The following ACTN2 variants were observed in gnomAD, a reference collection of about 807,000 sequenced individuals.
ACTN2 encodes the protein alpha-actinin-2.
Under a neutral mutation model 113.8 loss-of-function variants are expected in ACTN2, and 39 were observed. The ratio of observed to expected loss-of-function variants is 0.34; its 90% CI spans 0.27 to 0.45. ACTN2 has a LOEUF of 0.45. Among genes scored for constraint, ACTN2 ranks in the 20% least tolerant of loss-of-function variants. The pLI, the probability that ACTN2 is intolerant of heterozygous loss-of-function variation, is 1.00. For synonymous variants in ACTN2, 429 were observed against 444.1 expected (o/e 0.97, Z 0.43); for missense variants, 992 against 1,177.9 (o/e 0.84, Z 2.31).
intron 10 of ACTN2, among the ~76,000 whole-genome samples, chr1:236,742,666 C>A (rs150572226): frequency 6.6e-6 from 1 of 152,064 alleles, no homozygotes; most frequent in Admixed American, 6.5e-5. Flanking sequence ...GTGTCAGGAT[C>A]GCTGATAACA....
intron 7 of ACTN2, chr1:236,734,597 T>G: frequency 6.6e-6 from 7 of 1,056,162 alleles, no homozygotes; most frequent in Non-Finnish European, 9.5e-6. Context: ...TTCCTCTTTT[T>G]TCCCCCCTCT....
rs187091986 is a variant in ACTN2, at chr1:236,742,320, T to C, written c.1108-576T>C. Reference sequence around the variant, plus strand: ...AGAGGTGTTGTTTACCCTTACAGAGTTTCTCACTAGTGCCTGGTACATGCT... The same window carrying C: ...AGAGGTGTTGTTTACCCTTACAGAGCTTCTCACTAGTGCCTGGTACATGCT... On this transcript the variant is annotated intron_variant, in intron 10 of 20. Coordinates refer to ENST00000366578, the MANE Select transcript of ACTN2 (RefSeq NM_001103.4). Among the ~76,000 whole-genome samples, 6 of 152,180 alleles carry C rather than the reference T, an allele frequency of 3.9e-5. No homozygotes were observed. The East Asian group carries it at 1.2e-3, about 29-fold the overall frequency.
intron 12 of ACTN2, among the ~76,000 whole-genome samples, chr1:236,745,031 A>T (rs1166688327): frequency 6.6e-6 from 1 of 152,182 alleles, no homozygotes; most frequent in Non-Finnish European, 1.5e-5. Flanking sequence ...AAGATGAGAA[A>T]TAAGTCTGGA....
intron 15 of ACTN2, among the ~76,000 whole-genome samples, chr1:236,752,263 C>T (rs1302556653): frequency 6.6e-6 from 1 of 152,078 alleles, no homozygotes; most frequent in Non-Finnish European, 1.5e-5. Flanking sequence ...GTATGCCAAT[C>T]ATAGTCTTTG....
At chr1:236,695,561 G>GC (rs1188225202) in intron 1 of ACTN2, among the ~76,000 whole-genome samples, 2 of 42,674 alleles carry the variant, frequency 4.7e-5, no homozygotes, top group South Asian at 7.5e-4. Context: ...TTTGAAATGA[G>GC]TTCCCCCCCC....
In ACTN2 at chr1:236,686,567, C is replaced by T; in HGVS notation, c.-107C>T. On this transcript the variant is annotated 5_prime_UTR_variant, in exon 1 of 21. Transcript: ENST00000366578. Reference sequence around the variant, plus strand: ...CCCGAGAGGAGCCGCGCGAAGGTCACCCCGCGCCCGCCGCCCGCCGCCCGC... The same window carrying T: ...CCCGAGAGGAGCCGCGCGAAGGTCATCCCGCGCCCGCCGCCCGCCGCCCGC... The T allele has an allele frequency of 3.1e-6, 4 of 1,306,576 alleles. No individual in the cohort carries two copies. The highest frequency in any genetic ancestry group is 2.9e-6 in the Non-Finnish European group (3 of 1,020,610). 80.9% of individuals were successfully genotyped at this position (1,306,576 alleles called of 1,614,324 possible).
intron 18 of ACTN2, among the ~76,000 whole-genome samples, chr1:236,758,951 GA>G (rs1466989739): frequency 2.6e-5 from 4 of 152,164 alleles, no homozygotes; most frequent in Admixed American, 6.5e-5. Flanking sequence ...CACTAAAAGG[GA>G]TGTACCATTA....
At chr1:236,697,853 TC>T (rs1657561092) in intron 1 of ACTN2, among the ~76,000 whole-genome samples, 1 of 147,058 alleles carries the variant, frequency 6.8e-6, no homozygotes, top group African/African-American at 2.5e-5. Context: ...AACTTTCGCC[TC>T]CCAGGTTCAA....
chr1:236,698,063 C>T (rs10802555), intron 1 of ACTN2, among the ~76,000 whole-genome samples: 129,375 of 151,578 alleles, frequency 0.85, 55,558 homozygotes, highest in Non-Finnish European at 0.91. Context: ...CGTGAGCCAC[C>T]GCACCCGACC....
chr1:236,751,174 T>C (rs1210328780), intron 14 of ACTN2, among the ~76,000 whole-genome samples: 1 of 139,276 alleles, frequency 7.2e-6, no homozygotes, highest in Non-Finnish European at 1.5e-5. Context: ...ACCTAAACAA[T>C]AGCTGGTGAT....
intron 1 of ACTN2, among the ~76,000 whole-genome samples, chr1:236,715,174 T>C (rs911133994): frequency 2.0e-5 from 3 of 150,862 alleles, no homozygotes; most frequent in Non-Finnish European, 4.4e-5. Flanking sequence ...TTTTTTATTC[T>C]ACTTTAAGGT....
At chr1:236,695,641 A>G (rs1375331660) in intron 1 of ACTN2, among the ~76,000 whole-genome samples, 2 of 141,224 alleles carry the variant, frequency 1.4e-5, no homozygotes, top group Non-Finnish European at 3.0e-5. Context: ...TCAGAGACGT[A>G]TAAATTTAAA....
intron 20 of ACTN2, 28 bp from the exon 21 acceptor site, chr1:236,762,433 C>T (rs1282265883): frequency 6.2e-7 from 1 of 1,613,736 alleles, no homozygotes; most frequent in Admixed American, 1.7e-5. Flanking sequence ...CTGCAACTGA[C>T]TGCAAACACG....
chr1:236,686,581 C>T lies in ACTN2; in HGVS notation c.-93C>T. 7.4e-7 allele frequency: 1 copy of T among 1,359,426 alleles called. No individual in the cohort carries two copies. The highest frequency in any genetic ancestry group is 9.5e-7 in the Non-Finnish European group (1 of 1,056,116). 84.2% of individuals were successfully genotyped at this position (1,359,426 alleles called of 1,614,324 possible). On this transcript the variant is annotated 5_prime_UTR_variant, in exon 1 of 21. Coordinates refer to ENST00000366578, the MANE Select transcript of ACTN2 (RefSeq NM_001103.4). ...CGCGAAGGTCACCCCGCGCCCGCCG[C>T]CCGCCGCCCGCCGCCTCCGTGGGTC...
Position 236,755,204 on chromosome 1 carries a change from G to A in ACTN2, c.2154+6G>A, listed in dbSNP as rs754586567. The A allele has an allele frequency of 6.2e-7, 1 of 1,614,096 alleles. No individual in the cohort carries two copies. The highest frequency in any genetic ancestry group is 2.2e-5 in the East Asian group (1 of 44,884). On this transcript the variant is annotated splice_donor_region_variant and intron_variant, in intron 17 of 20. Transcript: ENST00000366578. The stretch of plus-strand genomic sequence containing the variant: ...ACACGAACTACACGATGGAGGTACG[G>A]CAGCCAGACAGGCGTGTGCCGCTCA...
intron 1 of ACTN2, among the ~76,000 whole-genome samples, chr1:236,716,817 A>C (rs989139615): frequency 6.7e-6 from 1 of 149,604 alleles, no homozygotes; most frequent in South Asian, 2.1e-4. Context: ...CTCTCCTCTA[A>C]AGCAACACAT....
intron 13 of ACTN2, among the ~76,000 whole-genome samples, chr1:236,748,737 G>A (rs913970847): frequency 9.2e-5 from 14 of 152,198 alleles, no homozygotes; most frequent in South Asian, 4.1e-4. Flanking sequence ...ACTCTAAAAC[G>A]TGGAAGATGC....
chr1:236,735,828 T>C lies in ACTN2; in HGVS notation c.783+108T>C, dbSNP rs372717801. On this transcript the variant is annotated intron_variant, in intron 8 of 20. Coordinates refer to ENST00000366578, the MANE Select transcript of ACTN2 (RefSeq NM_001103.4). ...GCGCTTCACATCTTACCTTGGAATCTTTCTGAGTGTTTTCTAATAACCTCA... is the reference window on the plus strand; with the variant it reads ...GCGCTTCACATCTTACCTTGGAATCCTTCTGAGTGTTTTCTAATAACCTCA... The C allele has an allele frequency of 2.5e-4, 260 of 1,030,200 alleles. No individual in the cohort carries two copies. In the East Asian group the frequency reaches 5.8e-3, roughly 23 times the overall value. The allele number at this position is 1,030,200 out of a possible 1,614,324, so 63.8% of individuals were successfully genotyped here. A position where few individuals can be genotyped will look rare whatever the true frequency, so the allele number is the denominator to read the frequency against.
At chr1:236,725,905 G>A (rs751278411) in intron 4 of ACTN2, 28 bp from the exon 5 acceptor site, 2 of 1,609,716 alleles carry the variant, frequency 1.2e-6, no homozygotes, top group South Asian at 2.2e-5. Flanking sequence ...ATTTCCCTGG[G>A]GCCACTTTTT....
Sources: gnomAD v4.1 joint callset for allele counts (sites outside exome capture counted in the v4.1 genomes callset) on GRCh38, gnomAD v4.1.1 for gene constraint, MANE v1.5 for transcripts, NCBI Gene and HGNC (gene_info 2026-07-23, HGNC 2026-07-21) for gene names.